The following RAB22A variants were observed in gnomAD, a reference collection of about 807,000 sequenced individuals.
RAB22A encodes the protein RAB22A, member RAS oncogene family, also known as ras-related protein Rab-22A.
A neutral mutation model predicts 30.2 loss-of-function variants in RAB22A; 13 were observed. The observed-to-expected ratio is 0.43, with a 90% CI of 0.28 to 0.68. RAB22A has a LOEUF of 0.68. Among genes scored for constraint, RAB22A ranks in the 30% least tolerant of loss-of-function variants. The pLI is 0.18. For synonymous variants in RAB22A, 89 were observed against 87.2 expected (o/e 1.02, Z -0.11); for missense variants, 177 against 246.8 (o/e 0.72, Z 1.89).
rs1487805895 is a variant in RAB22A, at chr20:58,362,644, C to G, written c.*2941C>G. On this transcript the variant is annotated 3_prime_UTR_variant, in exon 7 of 7. Transcript: ENST00000244040. ...TTCTGATTCTATGATAACTAATTAA[C>G]CATCATCTGGTGATTAAAAGAACAT... The G allele has an allele frequency of 6.6e-6, 1 of 152,210 alleles. No individual in the cohort carries two copies. Among genetic ancestry groups the G allele is most frequent in the Non-Finnish European group, 1.5e-5 (1 of 68,036 alleles). 9.4% of individuals were successfully genotyped at this position (152,210 alleles called of 1,614,324 possible). A position where few individuals can be genotyped will look rare whatever the true frequency, so the allele number is the denominator to read the frequency against.
chr20:58,334,214 A>C (rs1875671339), intron 2 of RAB22A, among the ~76,000 whole-genome samples: 1 of 152,044 alleles, frequency 6.6e-6, no homozygotes, highest in Admixed American at 6.6e-5. Context: ...GGGTGCCTGT[A>C]ATCCCAACTA....
intron 2 of RAB22A, among the ~76,000 whole-genome samples, chr20:58,330,815 T>G (rs963895129): frequency 6.6e-6 from 1 of 152,222 alleles, no homozygotes; most frequent in Non-Finnish European, 1.5e-5. Flanking sequence ...TGGAAACAAC[T>G]GAAATCTCTG....
At chr20:58,357,929 A>G (rs973574154) in intron 6 of RAB22A, among the ~76,000 whole-genome samples, 3 of 152,244 alleles carry the variant, frequency 2.0e-5, no homozygotes, top group African/African-American at 4.8e-5. Flanking sequence ...CATGTTTACA[A>G]AATACTTCTG....
intron 2 of RAB22A, among the ~76,000 whole-genome samples, chr20:58,326,014 C>G (rs553467922): frequency 6.6e-6 from 1 of 152,298 alleles, no homozygotes; most frequent in South Asian, 2.1e-4. Flanking sequence ...CACCTACATT[C>G]CATACATACA....
At chr20:58,333,906 A>T (rs1986701320) in intron 2 of RAB22A, among the ~76,000 whole-genome samples, 1 of 152,136 alleles carries the variant, frequency 6.6e-6, no homozygotes, top group South Asian at 2.1e-4. Context: ...GAGAATGAAA[A>T]AATTAGCTGG....
rs574198660 is a variant in RAB22A, at chr20:58,333,281, A to G, written c.117-10437A>G. On this transcript the variant is annotated intron_variant, in intron 2 of 6. Coordinates refer to ENST00000244040, the MANE Select transcript of RAB22A (RefSeq NM_020673.3). ...GCGACAGAGTGAGACTCCATCATAA[A>G]TAAATAAATAAATAAATAAATAAAT... Among the ~76,000 whole-genome samples the G allele has an allele frequency of 1.7e-4, 25 of 148,094 alleles. No homozygotes were observed. In the South Asian group the frequency reaches 5.0e-3, roughly 30 times the overall value.
chr20:58,338,418 T>C (rs8115295), intron 2 of RAB22A, among the ~76,000 whole-genome samples: 17,385 of 152,192 alleles, frequency 0.11, 1,419 homozygotes, highest in African/African-American at 0.23. Context: ...AGGATTTGCT[T>C]AGGATGACCA....
At chr20:58,311,975 GAC>G (rs2122918152) in intron 2 of RAB22A, among the ~76,000 whole-genome samples, 1 of 152,284 alleles carries the variant, frequency 6.6e-6, no homozygotes, top group Non-Finnish European at 1.5e-5. Context: ...ATTTTTTTGA[GAC>G]AGAGTTTCGC....
At chr20:58,318,680 C>G (rs1183328304) in intron 2 of RAB22A, among the ~76,000 whole-genome samples, 2 of 151,986 alleles carry the variant, frequency 1.3e-5, no homozygotes, top group Non-Finnish European at 2.9e-5. Context: ...TCTACTGATT[C>G]TTTTTCTTTG....
rs1333143776 is a variant in RAB22A, at chr20:58,311,066, T to C, written c.60T>C (p.Ser20=). ...LLGDTGVGKS[S]IVWRFVEDSF... Reference sequence around the variant, plus strand: ...AGGATACAGGTGTAGGTAAATCGAGTATTGTGTGGCGGTTTGTGGAAGACA... The same window carrying C: ...AGGATACAGGTGTAGGTAAATCGAGCATTGTGTGGCGGTTTGTGGAAGACA... The change falls in exon 2 of 7, where the codon AGT becomes AGC. Residue 20 remains serine (S), a synonymous_variant. Coordinates refer to ENST00000244040, the MANE Select transcript of RAB22A (RefSeq NM_020673.3). 6.2e-7 allele frequency: 1 copy of C among 1,606,448 alleles called. No homozygotes were observed. The highest frequency in any genetic ancestry group is 2.2e-5 in the East Asian group (1 of 44,836).
At chr20:58,356,288 G>A (rs1394966549) in intron 6 of RAB22A, among the ~76,000 whole-genome samples, 2 of 148,458 alleles carry the variant, frequency 1.3e-5, no homozygotes, top group African/African-American at 5.0e-5. Flanking sequence ...TCCAGCCTGG[G>A]CAACAAGAGC....
chr20:58,311,317 G>T (rs960888961), intron 2 of RAB22A, among the ~76,000 whole-genome samples, 195 bp downstream of exon 2: 1 of 152,190 alleles, frequency 6.6e-6, no homozygotes, highest in Non-Finnish European at 1.5e-5. Context: ...GGACTTGTTG[G>T]GGGTGAGAAC....
intron 2 of RAB22A, among the ~76,000 whole-genome samples, chr20:58,338,474 G>C (rs541774437): frequency 1.7e-4 from 26 of 152,294 alleles, no homozygotes; most frequent in Admixed American, 1.7e-3. Context: ...CTTTAAGTGG[G>C]TATCGACTGC....
In RAB22A at chr20:58,367,464, G is replaced by A. The variant is rs1045473; in HGVS notation, c.*7761G>A. 0.38 allele frequency: 57,220 copies of A among 152,402 alleles called. 10,934 individuals are homozygous for A. The highest frequency in any genetic ancestry group is 0.4 in the Non-Finnish European group (27,433 of 67,978). 9.4% of individuals were successfully genotyped at this position (152,402 alleles called of 1,614,324 possible). On this transcript the variant is annotated 3_prime_UTR_variant, in exon 7 of 7. Coordinates refer to ENST00000244040, the MANE Select transcript of RAB22A (RefSeq NM_020673.3). The stretch of plus-strand genomic sequence containing the variant: ...CTAAATCACTGTTTTGTTGTAAGAA[G>A]GGTGTAAACATTTTGTTAATAAAAT...
intron 2 of RAB22A, among the ~76,000 whole-genome samples, chr20:58,320,459 A>G (rs1270958274): frequency 1.3e-5 from 2 of 152,096 alleles, no homozygotes; most frequent in Admixed American, 1.3e-4. Flanking sequence ...CATTTTTGAT[A>G]GTGCTGATTT....
At chr20:58,341,797 T>C (rs574029025) in intron 2 of RAB22A, among the ~76,000 whole-genome samples, 1 of 152,220 alleles carries the variant, frequency 6.6e-6, no homozygotes, top group Non-Finnish European at 1.5e-5. Flanking sequence ...TCATAATTAT[T>C]GTGTATACCT....
rs566782889 is a variant in RAB22A at position 58,334,350 on chromosome 20, T to A, written c.117-9368T>A. ...AAGTCCATCTCAAAAAAAAAAAAAATTCTTTTTTTTAAGAAGCTGAATACT... is the reference window on the plus strand; with the variant it reads ...AAGTCCATCTCAAAAAAAAAAAAAAATCTTTTTTTTAAGAAGCTGAATACT... On this transcript the variant is annotated intron_variant, in intron 2 of 6. Coordinates refer to ENST00000244040, the MANE Select transcript of RAB22A (RefSeq NM_020673.3). Among the ~76,000 whole-genome samples the A allele has an allele frequency of 3.7e-3, 564 of 150,966 alleles. 2 individuals are homozygous for A. The highest frequency in any genetic ancestry group is 0.013 in the African/African-American group (528 of 41,068).
chr20:58,333,264 G>A (rs1986692220), intron 2 of RAB22A, among the ~76,000 whole-genome samples: 1 of 108,026 alleles, frequency 9.3e-6, no homozygotes, highest in Non-Finnish European at 1.9e-5. Flanking sequence ...GGGCGACAGA[G>A]TGAGACTCCA....
At chr20:58,314,298 CAGG>C (rs1986291401) in intron 2 of RAB22A, among the ~76,000 whole-genome samples, 1 of 152,120 alleles carries the variant, frequency 6.6e-6, no homozygotes, top group Non-Finnish European at 1.5e-5. Flanking sequence ...CACCTGACCT[CAGG>C]TAATCTGCCT....
Sources: allele counts gnomAD v4.1 joint callset (sites outside exome capture counted in the v4.1 genomes callset), GRCh38; gene constraint gnomAD v4.1.1; transcripts MANE v1.5; gene names NCBI Gene and HGNC (gene_info 2026-07-23, HGNC 2026-07-21).